The following TCF4 variants were observed in gnomAD, a reference collection of about 807,000 sequenced individuals.
TCF4 encodes SL3-3 enhancer factor 2.
TCF4 carries 3 observed loss-of-function variants against 82.1 expected under a neutral mutation model. The observed-to-expected ratio is 0.04, with a 90% CI of 0.02 to 0.09. The LOEUF is 0.09. Ranked by LOEUF, TCF4 falls within the 10% of genes least tolerant of loss-of-function variation. TCF4 has a pLI of 1.00. For missense variants in TCF4, 518 were observed against 852.7 expected (o/e 0.61, Z 4.89); for synonymous variants, 276 against 309.6 (o/e 0.89, Z 1.14).
chr18:55,340,403 A>G (rs1254245758), intron 8 of TCF4, among the ~76,000 whole-genome samples: 2 of 151,444 alleles, frequency 1.3e-5, no homozygotes, highest in Non-Finnish European at 2.9e-5. Context: ...ACACAGGGAG[A>G]CCCTGTCTCT....
chr18:55,531,133 T>G (rs1028810426), intron 3 of TCF4, among the ~76,000 whole-genome samples: 11 of 151,894 alleles, frequency 7.2e-5, no homozygotes, highest in African/African-American at 2.4e-4. Context: ...TTTGTATTTT[T>G]AGTAGAGATG....
chr18:55,338,802 C>A (rs978326287), intron 8 of TCF4, among the ~76,000 whole-genome samples: 2 of 152,116 alleles, frequency 1.3e-5, no homozygotes, highest in Admixed American at 1.3e-4. Flanking sequence ...TTCTCTCCAG[C>A]ACTAATAGAT....
At chr18:55,537,660 G>A (rs948357062) in intron 3 of TCF4, among the ~76,000 whole-genome samples, 4 of 152,166 alleles carry the variant, frequency 2.6e-5, no homozygotes, top group Non-Finnish European at 4.4e-5. Context: ...AATAAAATGT[G>A]TGTGTACGTG....
chr18:55,276,692 A>G (rs1296173663), intron 9 of TCF4, among the ~76,000 whole-genome samples: 2 of 152,202 alleles, frequency 1.3e-5, no homozygotes, highest in East Asian at 3.8e-4. Context: ...TTTAACAAAA[A>G]GTATTGAGTA....
At chr18:55,399,270 A>T (rs548821985) in intron 6 of TCF4, among the ~76,000 whole-genome samples, 6 of 152,302 alleles carry the variant, frequency 3.9e-5, no homozygotes, top group African/African-American at 1.2e-4. Flanking sequence ...ATTTCGATGA[A>T]CCAAAAATGA....
intron 3 of TCF4, among the ~76,000 whole-genome samples, chr18:55,561,440 A>G (rs1400979845): frequency 6.6e-6 from 1 of 152,244 alleles, no homozygotes; most frequent in Admixed American, 6.5e-5. Flanking sequence ...AAATTAATTA[A>G]TAAGTGAATG....
chr18:55,315,495 GT>G (rs1338231041), intron 8 of TCF4, among the ~76,000 whole-genome samples: 1 of 152,148 alleles, frequency 6.6e-6, no homozygotes, highest in African/African-American at 2.4e-5. Context: ...AAAGGTTGTA[GT>G]TTGGAACCAA....
chr18:55,286,908 C>T (rs2063815292), intron 8 of TCF4, among the ~76,000 whole-genome samples: 1 of 152,136 alleles, frequency 6.6e-6, no homozygotes, highest in Non-Finnish European at 1.5e-5. Context: ...GAGGGTATTT[C>T]TTATAAGTGG....
chr18:55,603,741 A>G (rs1166936552), intron 2 of TCF4, among the ~76,000 whole-genome samples: 1 of 152,190 alleles, frequency 6.6e-6, no homozygotes, highest in Admixed American at 6.5e-5. Context: ...GAAAACATGT[A>G]CACAGAATAT....
intron 2 of TCF4, among the ~76,000 whole-genome samples, chr18:55,608,766 T>C (rs1376043534): frequency 6.6e-6 from 1 of 152,108 alleles, no homozygotes; most frequent in Admixed American, 6.6e-5. Flanking sequence ...CCTCAATAAA[T>C]AGTTGTGAAA....
At chr18:55,523,028 A>C (rs2096945351) in intron 3 of TCF4, among the ~76,000 whole-genome samples, 1 of 152,098 alleles carries the variant, frequency 6.6e-6, no homozygotes, top group Non-Finnish European at 1.5e-5. Context: ...CCACACTTTA[A>C]TAAAACTAGA....
At chr18:55,608,517 T>C (rs544250648) in intron 2 of TCF4, among the ~76,000 whole-genome samples, 1 of 152,214 alleles carries the variant, frequency 6.6e-6, no homozygotes, top group Non-Finnish European at 1.5e-5. Context: ...GTATGAGCCA[T>C]TTAAAGAATA....
chr18:55,534,413 C>T (rs1332593515), intron 3 of TCF4, among the ~76,000 whole-genome samples: 2 of 152,206 alleles, frequency 1.3e-5, no homozygotes, highest in South Asian at 4.1e-4. Context: ...GGGTGCTTTA[C>T]TGAGGAAGAG....
At chr18:55,312,696 T>C (rs1313723918) in intron 8 of TCF4, among the ~76,000 whole-genome samples, 1 of 152,174 alleles carries the variant, frequency 6.6e-6, no homozygotes, top group Non-Finnish European at 1.5e-5. Context: ...TCCTTTAAAA[T>C]GTAAACGCTT....
intron 3 of TCF4, among the ~76,000 whole-genome samples, chr18:55,494,003 A>G (rs901207893): frequency 6.6e-6 from 1 of 152,144 alleles, no homozygotes; most frequent in Admixed American, 6.5e-5. Context: ...TTGAGGTCAC[A>G]TTTGATTTTG....
chr18:55,248,580 C>T (rs1157613489), intron 15 of TCF4, among the ~76,000 whole-genome samples: 1 of 152,224 alleles, frequency 6.6e-6, no homozygotes, highest in Non-Finnish European at 1.5e-5. Context: ...CTAGGGCCAA[C>T]TACAGAGTTT....
chr18:55,494,561 T>C (rs2096612342), intron 3 of TCF4, among the ~76,000 whole-genome samples: 1 of 152,082 alleles, frequency 6.6e-6, no homozygotes, highest in Non-Finnish European at 1.5e-5. Flanking sequence ...TTTATAGTAT[T>C]AGGGCACTAC....
intron 5 of TCF4, among the ~76,000 whole-genome samples, chr18:55,420,710 G>A (rs191473358): frequency 3.5e-4 from 54 of 152,160 alleles, no homozygotes; most frequent in Non-Finnish European, 3.4e-4. Context: ...TCTGCTTCTC[G>A]GCGACTAACC....
intron 3 of TCF4, among the ~76,000 whole-genome samples, chr18:55,539,789 G>T (rs1226895406): frequency 6.6e-6 from 1 of 151,956 alleles, no homozygotes; most frequent in African/African-American, 2.4e-5. Context: ...GAATCAAATA[G>T]AACACCAATA....
Sources: gnomAD v4.1 joint callset for allele counts (sites outside exome capture counted in the v4.1 genomes callset) on GRCh38, gnomAD v4.1.1 for gene constraint, MANE v1.5 for transcripts, NCBI Gene and HGNC (gene_info 2026-07-23, HGNC 2026-07-21) for gene names.